The following TRPM8 variants were observed in gnomAD, a reference collection of about 807,000 sequenced individuals.
The protein encoded by TRPM8 is transient receptor potential cation channel subfamily M member 8.
In TRPM8, 110 loss-of-function variants were observed where a neutral mutation model predicts 133.7. That is an observed-to-expected ratio of 0.82 (90% CI 0.70 to 0.96). The LOEUF (loss-of-function observed/expected upper bound fraction) is 0.96, where lower values mean the gene tolerates loss of function less well. TRPM8 is among the 40% of genes least tolerant of loss of function. TRPM8 has a pLI of 0.00. For missense variants in TRPM8, 1,291 were observed against 1,379.5 expected (o/e 0.94, Z 1.02); for synonymous variants, 535 against 532.3 (o/e 1.01, Z -0.07).
rs764076213 is a variant in TRPM8, at chr2:233,926,660, T to G, written c.117+6T>G. On this transcript the variant is annotated splice_donor_region_variant and intron_variant, in intron 2 of 25. Coordinates refer to ENST00000324695, the MANE Select transcript of TRPM8 (RefSeq NM_024080.5). ...ACTTGTCTTACAGTGAAAGCGTAAGTCATGCGCATCACCTGTTTGAAAGGT... is the reference window on the plus strand; with the variant it reads ...ACTTGTCTTACAGTGAAAGCGTAAGGCATGCGCATCACCTGTTTGAAAGGT... 3 of 1,595,990 alleles carry G rather than the reference T, an allele frequency of 1.9e-6. No homozygotes were observed. Among genetic ancestry groups the G allele is most frequent in the Middle Eastern group, 1.7e-4 (1 of 6,020 alleles).
intron 17 of TRPM8, among the ~76,000 whole-genome samples, chr2:233,975,948 G>T (rs898640745): frequency 4.6e-5 from 7 of 152,154 alleles, no homozygotes; most frequent in Non-Finnish European, 1.0e-4. Context: ...AAAAACCCAG[G>T]AATCTGAGAG....
chr2:233,973,207 G>A (rs144604011), intron 17 of TRPM8, among the ~76,000 whole-genome samples: 1,698 of 152,330 alleles, frequency 0.011, 36 homozygotes, highest in African/African-American at 0.038. Context: ...CTCTGCCCAG[G>A]CCATGCCCTC....
chr2:233,969,852 G>A, intron 16 of TRPM8, 45 bp downstream of exon 16: 3 of 1,154,514 alleles, frequency 2.6e-6, no homozygotes, highest in African/African-American at 1.5e-5. Context: ...GTGTGCCAGT[G>A]TGTGTACATG....
chr2:234,001,964 C>A (rs1020258074), intron 22 of TRPM8, among the ~76,000 whole-genome samples: 5 of 152,042 alleles, frequency 3.3e-5, no homozygotes, highest in Admixed American at 6.6e-5. Flanking sequence ...TCTGTGCCCT[C>A]GAGCAGGGCT....
intron 22 of TRPM8, among the ~76,000 whole-genome samples, chr2:233,997,551 G>A (rs562375885): frequency 9.5e-4 from 144 of 152,260 alleles, no homozygotes; most frequent in Non-Finnish European, 1.4e-3. Flanking sequence ...CTCTGGCCTG[G>A]CAGATGTTTG....
chr2:233,927,796 T>TTTCCCTCCTTCC (rs1691570345), intron 2 of TRPM8, among the ~76,000 whole-genome samples: 1 of 25,602 alleles, frequency 3.9e-5, no homozygotes, highest in Non-Finnish European at 6.0e-5. Flanking sequence ...CTTTCTTTTC[T>TTTCCCTCCTTCC]TTCCTTCCTT....
intron 2 of TRPM8, among the ~76,000 whole-genome samples, chr2:233,928,813 C>G (rs564365309): frequency 1.3e-5 from 2 of 152,274 alleles, no homozygotes; most frequent in African/African-American, 4.8e-5. Context: ...GCCCCGTTGG[C>G]TTTCCTCTTT....
chr2:233,942,612 T>C lies in TRPM8; in HGVS notation c.563T>C (p.Leu188Pro), dbSNP rs1240125633. 1.2e-6 allele frequency: 2 copies of C among 1,614,212 alleles called. No homozygotes were observed. Among genetic ancestry groups the C allele is most frequent in the Non-Finnish European group, 1.7e-6 (2 of 1,180,034 alleles). ...WILTGGTHYG[L>P]MKYIGEVVRD... ...CTCACGGGAGGCACCCATTATGGCC[T>C]GATGAAGTACATCGGGGAGGTGGTG... Residue 188 changes from leucine (L) to proline (P), a missense_variant, in exon 6 of 26, where the codon CTG (leucine) becomes CCG (proline). Physicochemically the swap from Leu to Pro is moderately conservative, Grantham distance 98. This residue lies in a region of TRPM8 where 963 missense variants were observed against 968.9 expected (regional missense o/e 0.99). Coordinates refer to ENST00000324695, the MANE Select transcript of TRPM8 (RefSeq NM_024080.5).
chr2:233,947,777 T>G (rs10170647), intron 8 of TRPM8, among the ~76,000 whole-genome samples: 26,066 of 152,188 alleles, frequency 0.17, 2,834 homozygotes, highest in African/African-American at 0.29. Context: ...TGTTTGATAA[T>G]CCACTTGAAT....
At chr2:234,014,709 C>T in intron 25 of TRPM8, 55 bp downstream of exon 25, 1 of 634,404 alleles carries the variant, frequency 1.6e-6, no homozygotes. Context: ...TCTTTTAAGA[C>T]TAATTTAAGA....
At chr2:233,947,345 G>C in intron 8 of TRPM8, 190 bp downstream of exon 8, 1 of 1,538,664 alleles carries the variant, frequency 6.5e-7, no homozygotes, top group South Asian at 1.2e-5. Context: ...TTTGGGAGGA[G>C]AATTTCAGTG....
chr2:233,944,959 T>C (rs560390693), intron 6 of TRPM8, among the ~76,000 whole-genome samples: 2 of 152,182 alleles, frequency 1.3e-5, no homozygotes, highest in African/African-American at 2.4e-5. Flanking sequence ...TAAGAAACTT[T>C]CTTAATGCAC....
intron 4 of TRPM8, among the ~76,000 whole-genome samples, chr2:233,938,730 G>GA (rs1307325672): frequency 2.6e-5 from 4 of 152,040 alleles, no homozygotes; most frequent in African/African-American, 9.7e-5. Flanking sequence ...GGGTGACTTT[G>GA]AATACGGTGG....
chr2:233,955,147 A>G lies in TRPM8; in HGVS notation c.1259A>G (p.Glu420Gly), dbSNP rs531056066. Residue 420 changes from glutamate to glycine, a missense_variant, in exon 11 of 26, where the codon GAG (glutamate) becomes GGG (glycine). This residue lies in a region of TRPM8 where 963 missense variants were observed against 968.9 expected (regional missense o/e 0.99). Transcript: ENST00000324695. ...CCTCTCACAGCCTTCAGCACCAGTG[A>G]GCAAGACAAGGATAACTGGAATGGG... ...YALYKAFSTS[E>G]QDKDNWNGQL... The G allele has an allele frequency of 1.2e-6, 2 of 1,614,058 alleles. No individual in the cohort carries two copies. Among genetic ancestry groups the G allele is most frequent in the African/African-American group, 2.7e-5 (2 of 75,044 alleles).
In TRPM8 at chr2:233,926,516, T is replaced by A. The variant is rs765214671; in HGVS notation, c.-5-17T>A. ...CTGTTTGTAACCCAAACTTATCCCC[T>A]CCAACCATCGTCACAGAAAAGATGT... is the stretch of plus-strand genomic sequence containing the variant. On this transcript the variant is annotated splice_polypyrimidine_tract_variant and intron_variant, in intron 1 of 25. Transcript: ENST00000324695. The A allele has an allele frequency of 3.8e-6, 6 of 1,599,098 alleles. No individual in the cohort carries two copies. Among genetic ancestry groups the A allele is most frequent in the South Asian group, 3.3e-5 (3 of 90,758 alleles).
At chr2:233,950,604 C>T (rs1002390314) in intron 9 of TRPM8, among the ~76,000 whole-genome samples, 1 of 152,196 alleles carries the variant, frequency 6.6e-6, no homozygotes, top group African/African-American at 2.4e-5. Context: ...CAGGCAGCGC[C>T]GGACACCTGC....
At chr2:233,925,107 G>A (rs1290547159) in intron 1 of TRPM8, among the ~76,000 whole-genome samples, 1 of 152,132 alleles carries the variant, frequency 6.6e-6, no homozygotes, top group Non-Finnish European at 1.5e-5. Flanking sequence ...CTGAGTGGTG[G>A]GTCTGCTCTG....
At chr2:233,996,919 T>C (rs11563206) in intron 22 of TRPM8, among the ~76,000 whole-genome samples, 12,409 of 152,246 alleles carry the variant, frequency 0.082, 632 homozygotes, top group East Asian at 0.23. Context: ...CTTAGGAGAA[T>C]AGAAAATCTT....
At chr2:233,928,994 T>A (rs1574692533) in intron 2 of TRPM8, among the ~76,000 whole-genome samples, 1 of 132,822 alleles carries the variant, frequency 7.5e-6, no homozygotes, top group African/African-American at 3.2e-5. Context: ...GTGAGTTTCT[T>A]TTCTTTTTTT....
Sources: allele counts gnomAD v4.1 joint callset (sites outside exome capture counted in the v4.1 genomes callset), GRCh38; gene constraint gnomAD v4.1.1; regional missense constraint gnomAD v4.1.1; transcripts MANE v1.5; gene names NCBI Gene and HGNC (gene_info 2026-07-23, HGNC 2026-07-21).